The following PPP2R3A variants were observed in gnomAD, a reference collection of about 807,000 sequenced individuals.
The protein encoded by PPP2R3A is serine/threonine-protein phosphatase 2A regulatory subunit B'' subunit alpha.
A neutral mutation model predicts 106.9 loss-of-function variants in PPP2R3A; 80 were observed. That is an observed-to-expected ratio of 0.75 (90% CI 0.62 to 0.90). The LOEUF (loss-of-function observed/expected upper bound fraction) is 0.90, where lower values mean the gene tolerates loss of function less well. Among genes scored for constraint, PPP2R3A ranks in the 40% least tolerant of loss-of-function variants. The pLI is 0.00. For synonymous variants in PPP2R3A, 483 were observed against 468.3 expected (o/e 1.03, Z -0.41); for missense variants, 1,386 against 1,350.4 (o/e 1.03, Z -0.41).
chr3:136,076,481 T>C (rs1936597435), intron 6 of PPP2R3A, among the ~76,000 whole-genome samples: 1 of 152,250 alleles, frequency 6.6e-6, no homozygotes, highest in African/African-American at 2.4e-5. Flanking sequence ...AAATACTAAT[T>C]AGAGACCTTT....
intron 13 of PPP2R3A, among the ~76,000 whole-genome samples, chr3:136,140,705 G>A (rs1230137776): frequency 6.7e-6 from 1 of 150,160 alleles, no homozygotes; most frequent in Non-Finnish European, 1.5e-5. Flanking sequence ...CCGAGATCGC[G>A]CCACTGCACT....
chr3:135,975,837 G>GAT (rs961776098), intron 1 of PPP2R3A, among the ~76,000 whole-genome samples: 1 of 151,904 alleles, frequency 6.6e-6, no homozygotes, highest in African/African-American at 2.4e-5. Flanking sequence ...ACATATATAA[G>GAT]ATATATATAA....
chr3:136,044,984 G>A (rs913739091), intron 4 of PPP2R3A, among the ~76,000 whole-genome samples: 4 of 152,124 alleles, frequency 2.6e-5, no homozygotes, highest in African/African-American at 9.7e-5. Context: ...GGGAACAGCT[G>A]CAACAAAACA....
chr3:136,015,071 A>T (rs993389040), intron 2 of PPP2R3A, among the ~76,000 whole-genome samples: 1 of 152,098 alleles, frequency 6.6e-6, no homozygotes, highest in Non-Finnish European at 1.5e-5. Context: ...TCCCGCATCT[A>T]TTTGAAATGA....
intron 2 of PPP2R3A, among the ~76,000 whole-genome samples, chr3:136,012,706 A>G (rs1934125310): frequency 6.6e-6 from 1 of 152,258 alleles, no homozygotes; most frequent in Non-Finnish European, 1.5e-5. Context: ...TAATTAGCTT[A>G]TAATCAGTTG....
chr3:135,969,736 ATT>A (rs1937190838), intron 1 of PPP2R3A, among the ~76,000 whole-genome samples: 1 of 152,194 alleles, frequency 6.6e-6, no homozygotes, highest in Non-Finnish European at 1.5e-5. Context: ...TTATTGTTTA[ATT>A]TTGAATTAGT....
rs534267602 is a variant in PPP2R3A at position 136,013,607 on chromosome 3, ATGT to A, written c.1995+10117_1995+10119del. On this transcript the variant is annotated intron_variant, in intron 2 of 13. Coordinates refer to ENST00000264977, the MANE Select transcript of PPP2R3A (RefSeq NM_002718.5). ...ATTTGCATTTTGCTGATCGTTAGTGATGTTGAGCATTTTTTCATATATTTGTTG... is the reference window on the plus strand; with the variant it reads ...ATTTGCATTTTGCTGATCGTTAGTGATGAGCATTTTTTCATATATTTGTTG... 3.9e-3 allele frequency among the ~76,000 whole-genome samples: 590 copies of A among 152,124 alleles called. 2 individuals carry two copies. The highest frequency in any genetic ancestry group is 0.01 in the African/African-American group (416 of 41,508).
intron 2 of PPP2R3A, among the ~76,000 whole-genome samples, chr3:136,011,898 G>A (rs891475407): frequency 2.6e-5 from 4 of 151,962 alleles, no homozygotes; most frequent in Non-Finnish European, 5.9e-5. Flanking sequence ...TGTCACCAGC[G>A]TCCTTGACTA....
chr3:136,014,885 G>A (rs1430002845), intron 2 of PPP2R3A, among the ~76,000 whole-genome samples: 1 of 152,078 alleles, frequency 6.6e-6, no homozygotes, highest in East Asian at 1.9e-4. Flanking sequence ...GTGAAAGTGG[G>A]CATCCTTGTC....
chr3:136,003,756 G>A (rs1183347757), intron 2 of PPP2R3A, among the ~76,000 whole-genome samples: 1 of 151,772 alleles, frequency 6.6e-6, no homozygotes, highest in Non-Finnish European at 1.5e-5. Flanking sequence ...CCAGCTCTGT[G>A]ACCAAAGAAA....
At chr3:136,028,762 A>G (rs1934755280) in intron 3 of PPP2R3A, among the ~76,000 whole-genome samples, 1 of 152,252 alleles carries the variant, frequency 6.6e-6, no homozygotes, top group Non-Finnish European at 1.5e-5. Context: ...AAAATTTAAC[A>G]AGGCTGAATG....
At chr3:135,999,837 G>C (rs1933551866) in intron 1 of PPP2R3A, among the ~76,000 whole-genome samples, 2 of 151,968 alleles carry the variant, frequency 1.3e-5, no homozygotes, top group Admixed American at 6.6e-5. Flanking sequence ...GCAGTGGCGT[G>C]ATCTCGGCTC....
chr3:136,103,200 T>C (rs1055825058), intron 11 of PPP2R3A, 58 bp from the exon 12 acceptor site: 1 of 1,178,410 alleles, frequency 8.5e-7, no homozygotes, highest in South Asian at 1.5e-5. Context: ...GGAAAGTTTT[T>C]TCCTCTTGCC....
rs1360096867 is a variant in PPP2R3A, at chr3:136,040,836, CTGTA to C, written c.2263-19_2263-16del. On this transcript the variant is annotated intron_variant, in intron 3 of 13. Coordinates refer to ENST00000264977, the MANE Select transcript of PPP2R3A (RefSeq NM_002718.5). ...TCTCTTCATTCCCTGTTGGCTTACC[CTGTA>C]TGTGTTTTCTATTTGCAGGTCTGTG... 6.3e-7 allele frequency: 1 copy of C among 1,595,528 alleles called. No homozygotes were observed. Among genetic ancestry groups the C allele is most frequent in the Non-Finnish European group, 8.6e-7 (1 of 1,168,210 alleles).
chr3:136,019,901 G>C lies in PPP2R3A; in HGVS notation c.1996-6931G>C, dbSNP rs575460864. On this transcript the variant is annotated intron_variant, in intron 2 of 13. Transcript: ENST00000264977. ...GCTTAAGGGTATAACAACAGGGCAGGCTTTTAACCACTGTTCTGACTTTGA... is the reference window on the plus strand; with the variant it reads ...GCTTAAGGGTATAACAACAGGGCAGCCTTTTAACCACTGTTCTGACTTTGA... 2.0e-5 allele frequency among the ~76,000 whole-genome samples: 3 copies of C among 152,216 alleles called. No homozygotes were observed. The East Asian group carries it at 5.8e-4, about 29-fold the overall frequency.
At chr3:136,032,550 CG>C (rs1425363341) in intron 3 of PPP2R3A, among the ~76,000 whole-genome samples, 1 of 148,620 alleles carries the variant, frequency 6.7e-6, no homozygotes, top group Non-Finnish European at 1.5e-5. Flanking sequence ...TTTCCTGAGA[CG>C]GAGTCTCGCT....
intron 1 of PPP2R3A, among the ~76,000 whole-genome samples, chr3:135,974,813 G>C (rs974029925): frequency 2.0e-5 from 3 of 152,182 alleles, no homozygotes; most frequent in African/African-American, 7.2e-5. Flanking sequence ...TCCTCCAGTT[G>C]AAAAAGCAGC....
Position 136,049,278 on chromosome 3 carries a change from G to T in PPP2R3A, c.2386G>T (p.Asp796Tyr). ...MWRKLLNNHH[D>Y]DASKFICLLA... ...TTATAGGTTGCTGAATAACCATCATGATGATGCCTCTAAATTCATCTGTCT... is the reference window on the plus strand; with the variant it reads ...TTATAGGTTGCTGAATAACCATCATTATGATGCCTCTAAATTCATCTGTCT... Residue 796 changes from aspartate (D) to tyrosine (Y), a missense_variant, in exon 5 of 14, where the codon GAT (aspartate) becomes TAT (tyrosine). Coordinates refer to ENST00000264977, the MANE Select transcript of PPP2R3A (RefSeq NM_002718.5). 1 of 1,613,230 alleles carries T rather than the reference G, an allele frequency of 6.2e-7. No individual in the cohort carries two copies. Among genetic ancestry groups the T allele is most frequent in the Non-Finnish European group, 8.5e-7 (1 of 1,179,488 alleles).
At chr3:136,060,981 G>T (rs1221759464) in intron 5 of PPP2R3A, among the ~76,000 whole-genome samples, 1 of 151,984 alleles carries the variant, frequency 6.6e-6, no homozygotes, top group African/African-American at 2.4e-5. Flanking sequence ...ACAACACACT[G>T]TAAATGATAA....
Sources: gnomAD v4.1 joint callset for allele counts (sites outside exome capture counted in the v4.1 genomes callset) on GRCh38, gnomAD v4.1.1 for gene constraint, MANE v1.5 for transcripts, NCBI Gene and HGNC (gene_info 2026-07-23, HGNC 2026-07-21) for gene names.